Variants in AGBL1 observed in about 807,000 individuals in gnomAD.
The protein encoded by AGBL1 is cytosolic carboxypeptidase 4.
Under a neutral mutation model 118.9 loss-of-function variants are expected in AGBL1, and 130 were observed. The ratio of observed to expected loss-of-function variants is 1.09; its 90% confidence interval spans 0.95 to 1.26. The LOEUF (loss-of-function observed/expected upper bound fraction) is 1.26, where lower values mean the gene tolerates loss of function less well. AGBL1 is among the 50% of genes most tolerant of loss of function. AGBL1 has a pLI of 0.00. For missense variants in AGBL1, 1,584 were observed against 1,298.1 expected (o/e 1.22, Z -3.38); for synonymous variants, 555 against 478.9 (o/e 1.16, Z -2.08).
At chr15:86,713,409 T>G (rs539162706) in intron 22 of AGBL1, among the ~76,000 whole-genome samples, 1 of 152,210 alleles carries the variant, frequency 6.6e-6, no homozygotes, top group African/African-American at 2.4e-5. Context: ...TTTAAGTTGA[T>G]TTTTAATTAA....
chr15:86,517,979 C>T (rs1041521469), intron 18 of AGBL1, among the ~76,000 whole-genome samples: 7 of 152,164 alleles, frequency 4.6e-5, no homozygotes, highest in Admixed American at 2.0e-4. Flanking sequence ...CAGTGAATGG[C>T]GAAGCTGCTG....
intron 1 of AGBL1, among the ~76,000 whole-genome samples, chr15:86,121,637 T>C (rs1776024604): frequency 6.6e-6 from 1 of 152,190 alleles, no homozygotes; most frequent in South Asian, 2.1e-4. Context: ...TCTGATTCAT[T>C]TGGAGAATCC....
intron 22 of AGBL1, among the ~76,000 whole-genome samples, chr15:86,711,522 C>G (rs72763974): frequency 1.3e-5 from 2 of 152,082 alleles, no homozygotes; most frequent in Non-Finnish European, 2.9e-5. Flanking sequence ...GTAAGTCTTA[C>G]AAGAATATGA....
chr15:86,266,882 A>G (rs966665440), intron 12 of AGBL1, 108 bp from the exon 13 acceptor site: 23 of 984,100 alleles, frequency 2.3e-5, no homozygotes, highest in Non-Finnish European at 3.4e-5. Context: ...CCTGGGCAAC[A>G]GAGTGAGATT....
intron 1 of AGBL1, among the ~76,000 whole-genome samples, chr15:86,092,288 A>C (rs947103908): frequency 1.1e-4 from 17 of 152,304 alleles, no homozygotes; most frequent in Admixed American, 1.0e-3. Context: ...TTGTTTGAGT[A>C]AATACATGAA....
At chr15:86,298,499 C>G (rs960089947) in intron 17 of AGBL1, among the ~76,000 whole-genome samples, 1 of 151,306 alleles carries the variant, frequency 6.6e-6, no homozygotes, top group African/African-American at 2.4e-5. Flanking sequence ...GCCTGTAAAT[C>G]AGAAATGGAA....
At chr15:86,869,935 A>G (rs895788983) in intron 22 of AGBL1, among the ~76,000 whole-genome samples, 15 of 152,174 alleles carry the variant, frequency 9.9e-5, no homozygotes, top group African/African-American at 3.6e-4. Flanking sequence ...GCTTACCTGG[A>G]CTTATGTCCA....
intron 21 of AGBL1, among the ~76,000 whole-genome samples, chr15:86,631,612 A>G (rs1288653276): frequency 6.6e-6 from 1 of 152,108 alleles, no homozygotes; most frequent in East Asian, 1.9e-4. Context: ...ATCCTTTCTC[A>G]TGAGATGTAT....
At chr15:86,848,250 G>A (rs1012053482) in intron 22 of AGBL1, among the ~76,000 whole-genome samples, 2 of 152,052 alleles carry the variant, frequency 1.3e-5, no homozygotes, top group African/African-American at 2.4e-5. Context: ...TATGCATTTG[G>A]TTGATTTCCA....
intron 22 of AGBL1, among the ~76,000 whole-genome samples, chr15:86,768,396 G>A (rs534124406): frequency 6.6e-6 from 1 of 151,906 alleles, no homozygotes; most frequent in African/African-American, 2.4e-5. Flanking sequence ...GATCCACCCA[G>A]TCTTTGATTC....
intron 7 of AGBL1, among the ~76,000 whole-genome samples, chr15:86,249,422 A>G (rs1263142866): frequency 6.6e-6 from 1 of 152,198 alleles, no homozygotes; most frequent in East Asian, 1.9e-4. Context: ...CAATAACAAA[A>G]TACAGTGCTG....
chr15:86,675,474 G>C (rs994989294), intron 22 of AGBL1, among the ~76,000 whole-genome samples: 11 of 152,072 alleles, frequency 7.2e-5, no homozygotes, highest in Admixed American at 6.6e-5. Context: ...TAATTAACTT[G>C]CTCACCACAC....
At chr15:86,809,666 G>A (rs1227922787) in intron 22 of AGBL1, among the ~76,000 whole-genome samples, 9 of 152,176 alleles carry the variant, frequency 5.9e-5, no homozygotes, top group Non-Finnish European at 5.9e-5. Context: ...GGAAGAATGT[G>A]TCAAGTTGGG....
intron 22 of AGBL1, among the ~76,000 whole-genome samples, chr15:86,700,234 A>C (rs2086332597): frequency 6.6e-6 from 1 of 151,854 alleles, no homozygotes; most frequent in Non-Finnish European, 1.5e-5. Context: ...ATTCTCCTAA[A>C]TGTTGATAGT....
rs200517928 is a variant in AGBL1, at chr15:86,817,299, A to AC, written c.3159-89788_3159-89787insC. Among the ~76,000 whole-genome samples, 1,311 of 151,486 alleles carry AC rather than the reference A, an allele frequency of 8.7e-3. 9 individuals carry two copies. The highest frequency in any genetic ancestry group is 0.013 in the South Asian group (60 of 4,772). ...AAGAACAAAACTCCATCTGGAAAAA[A>AC]AAAAAAAAAAACCACCAAACTTAAG... On this transcript the variant is annotated intron_variant, in intron 22 of 22. Coordinates refer to ENST00000614907, the MANE Select transcript of AGBL1 (RefSeq NM_001386094.1).
chr15:86,982,524 C>CAG (rs78166468), intron 23 of AGBL1, among the ~76,000 whole-genome samples: 25,960 of 151,698 alleles, frequency 0.17, 2,239 homozygotes, highest in Non-Finnish European at 0.18. Context: ...AAAGATGAAA[C>CAG]AGTGTGTCTG....
At chr15:87,019,818 A>G (rs1026575024) in intron 24 of AGBL1, among the ~76,000 whole-genome samples, 1 of 152,066 alleles carries the variant, frequency 6.6e-6, no homozygotes, top group Non-Finnish European at 1.5e-5. Context: ...TTCAAAAATC[A>G]ACAAATCCAG....
At chr15:86,874,862 A>T (rs987963031) in intron 22 of AGBL1, among the ~76,000 whole-genome samples, 2 of 152,152 alleles carry the variant, frequency 1.3e-5, no homozygotes, top group Admixed American at 6.5e-5. Flanking sequence ...ATAGGATTTT[A>T]GGACACACTA....
chr15:86,235,417 T>C (rs182118674), intron 6 of AGBL1, among the ~76,000 whole-genome samples: 172 of 152,356 alleles, frequency 1.1e-3, no homozygotes, highest in Middle Eastern at 3.4e-3. Context: ...ATATCCAAGG[T>C]TGATGAGTTC....
Sources: allele counts gnomAD v4.1 joint callset (sites outside exome capture counted in the v4.1 genomes callset), GRCh38; gene constraint gnomAD v4.1.1; transcripts MANE v1.5; gene names NCBI Gene and HGNC (gene_info 2026-07-23, HGNC 2026-07-21).